The following ARID4A variants were observed in gnomAD, a reference collection of about 807,000 sequenced individuals.
ARID4A encodes the protein AT-rich interactive domain-containing protein 4A.
Under a neutral mutation model 148.6 loss-of-function variants are expected in ARID4A, and 39 were observed. That is an observed-to-expected ratio of 0.26 (90% CI 0.20 to 0.34). The LOEUF (loss-of-function observed/expected upper bound fraction) is 0.34, where lower values mean the gene tolerates loss of function less well. Among genes scored for constraint, ARID4A ranks in the 10% least tolerant of loss-of-function variants. ARID4A has a pLI of 1.00. For missense variants in ARID4A, 1,265 were observed against 1,449.1 expected (o/e 0.87, Z 2.06); for synonymous variants, 475 against 481.2 (o/e 0.99, Z 0.17).
intron 5 of ARID4A, 147 bp downstream of exon 5, chr14:58,306,259 T>C (rs1437379490): frequency 1.8e-6 from 1 of 553,474 alleles, no homozygotes; most frequent in African/African-American, 1.9e-5. Flanking sequence ...ATTCTAAGAA[T>C]GCCCTGTAGG....
chr14:58,315,623 TTACAGA>T (rs1420563582), intron 5 of ARID4A, among the ~76,000 whole-genome samples: 2 of 152,198 alleles, frequency 1.3e-5, no homozygotes, highest in African/African-American at 2.4e-5. Flanking sequence ...AATCTTATAC[TTACAGA>T]TACTAATACT....
chr14:58,306,196 G>C, intron 5 of ARID4A, 84 bp downstream of exon 5: 2 of 966,722 alleles, frequency 2.1e-6, no homozygotes, highest in Non-Finnish European at 3.3e-6. Context: ...TCATTGTGTT[G>C]GTGGAGAAAT....
At chr14:58,365,450 T>C in intron 20 of ARID4A, 68 bp from the exon 21 acceptor site, 1 of 1,402,856 alleles carries the variant, frequency 7.1e-7, no homozygotes, top group Non-Finnish European at 9.7e-7. Context: ...TGTAGTCTGT[T>C]GAATAATATA....
intron 16 of ARID4A, 71 bp downstream of exon 16, chr14:58,351,394 G>A: frequency 6.5e-7 from 1 of 1,529,426 alleles, no homozygotes; most frequent in South Asian, 1.3e-5. Flanking sequence ...CCTGCTTAGA[G>A]ATTCAGGTTT....
At chr14:58,359,042 C>CA in intron 17 of ARID4A, 90 bp from the exon 18 acceptor site, 1 of 1,335,054 alleles carries the variant, frequency 7.5e-7, no homozygotes, top group Admixed American at 2.8e-5. Flanking sequence ...TAATCTGTCT[C>CA]ACTGTTGTTT....
intron 1 of ARID4A, 187 bp from the exon 2 acceptor site, chr14:58,299,611 C>T (rs2030947349): frequency 3.4e-6 from 2 of 589,716 alleles, no homozygotes; most frequent in Admixed American, 6.0e-5. Flanking sequence ...ACGGGCTGCC[C>T]TTTGGCGCTC....
rs778185943 is a variant in ARID4A, at chr14:58,309,227, C to A, written c.274+3115C>A. The stretch of plus-strand genomic sequence containing the variant: ...AATTCCTGGGCTCAAGCAGTCTTAC[C>A]GCCTTAGCCTCCCAAAGTGTTGGGA... On this transcript the variant is annotated intron_variant, in intron 5 of 23. Transcript: ENST00000355431. Among the ~76,000 whole-genome samples the A allele has an allele frequency of 3.3e-5, 5 of 152,174 alleles. 1 individual carries two copies. In the South Asian group the frequency reaches 1.0e-3, roughly 31 times the overall value.
intron 19 of ARID4A, 41 bp from the exon 20 acceptor site, chr14:58,364,129 A>T: frequency 9.9e-7 from 1 of 1,006,106 alleles, no homozygotes; most frequent in Non-Finnish European, 1.3e-6. Flanking sequence ...TACATTGGTA[A>T]TATAAAAACC....
chr14:58,344,625 C>G, intron 11 of ARID4A, 70 bp from the exon 12 acceptor site: 1 of 1,174,230 alleles, frequency 8.5e-7, no homozygotes, highest in Non-Finnish European at 1.2e-6. Context: ...ATTGGGTTCA[C>G]AAAAATAAAA....
intron 2 of ARID4A, among the ~76,000 whole-genome samples, 189 bp downstream of exon 2, chr14:58,300,049 C>CT (rs2031010664): frequency 6.6e-6 from 1 of 152,206 alleles, no homozygotes; most frequent in African/African-American, 2.4e-5. Context: ...TTTAGGCCCT[C>CT]TCTGTAGCAG....
intron 15 of ARID4A, among the ~76,000 whole-genome samples, chr14:58,348,429 A>G (rs905970272): frequency 6.6e-6 from 1 of 152,194 alleles, no homozygotes; most frequent in Non-Finnish European, 1.5e-5. Flanking sequence ...TCACCTCTTT[A>G]TAGTGCCTGT....
At chr14:58,319,889 A>G (rs1201307613) in intron 7 of ARID4A, among the ~76,000 whole-genome samples, 3 of 147,220 alleles carry the variant, frequency 2.0e-5, no homozygotes, top group Non-Finnish European at 4.5e-5. Flanking sequence ...AGTTCTTAAC[A>G]TTTTTCACAC....
At chr14:58,365,487 T>TGAAAA in intron 20 of ARID4A, 31 bp from the exon 21 acceptor site, 2 of 1,266,250 alleles carry the variant, frequency 1.6e-6, no homozygotes, top group African/African-American at 1.6e-5. Flanking sequence ...TTTTTTTTTT[T>TGAAAA]TTCAACATTC....
chr14:58,332,982 G>T (rs1355160586), intron 11 of ARID4A, among the ~76,000 whole-genome samples: 1 of 151,960 alleles, frequency 6.6e-6, no homozygotes, highest in Non-Finnish European at 1.5e-5. Context: ...TGATGCTTTG[G>T]GTATCTTAAC....
At chr14:58,324,127 A>G (rs1344298597) in intron 8 of ARID4A, among the ~76,000 whole-genome samples, 1 of 151,798 alleles carries the variant, frequency 6.6e-6, no homozygotes, top group African/African-American at 2.4e-5. Flanking sequence ...GATGGTCTCG[A>G]TCTCCTGACC....
intron 5 of ARID4A, among the ~76,000 whole-genome samples, chr14:58,310,651 A>C (rs1302105453): frequency 1.3e-5 from 2 of 152,096 alleles, no homozygotes; most frequent in African/African-American, 2.4e-5. Flanking sequence ...TTAAGACTTG[A>C]AATTGTCAAA....
chr14:58,349,251 A>G (rs2034519167), intron 15 of ARID4A, among the ~76,000 whole-genome samples: 1 of 152,188 alleles, frequency 6.6e-6, no homozygotes, highest in African/African-American at 2.4e-5. Context: ...TTCATTACCT[A>G]AAAACCTTCC....
intron 11 of ARID4A, among the ~76,000 whole-genome samples, chr14:58,337,964 C>T (rs1279254188): frequency 1.3e-5 from 2 of 152,162 alleles, no homozygotes; most frequent in Non-Finnish European, 1.5e-5. Flanking sequence ...TTTATTCTCC[C>T]TTCCATTATT....
intron 11 of ARID4A, among the ~76,000 whole-genome samples, chr14:58,337,268 A>ATATATATATATATATATATATATAT (rs1422819457): frequency 3.1e-3 from 414 of 133,506 alleles, no homozygotes; most frequent in Middle Eastern, 4.0e-3. Context: ...ATATATATAT[A>ATATATATATATATATATATATATAT]ATTAAAACCG....
Sources: allele counts gnomAD v4.1 joint callset (sites outside exome capture counted in the v4.1 genomes callset), GRCh38; gene constraint gnomAD v4.1.1; transcripts MANE v1.5; gene names NCBI Gene and HGNC (gene_info 2026-07-23, HGNC 2026-07-21).